The following CSGALNACT1 variants were observed in gnomAD, a reference collection of about 807,000 sequenced individuals.
CSGALNACT1 encodes chondroitin sulfate N-acetylgalactosaminyltransferase 1.
In CSGALNACT1, 52 loss-of-function variants were observed where a neutral mutation model predicts 51.0. The ratio of observed to expected loss-of-function variants is 1.02; its 90% CI spans 0.82 to 1.29. The LOEUF (loss-of-function observed/expected upper bound fraction) is 1.29. Among genes scored for constraint, CSGALNACT1 ranks in the 50% most tolerant of loss-of-function variants. The pLI is 0.00. For synonymous variants in CSGALNACT1, 341 were observed against 254.4 expected (o/e 1.34, Z -3.24); for missense variants, 935 against 679.2 (o/e 1.38, Z -4.19).
rs149068749 is a variant in CSGALNACT1 at position 19,407,352 on chromosome 8, C to T, written c.1309+1261G>A. On this transcript the variant is annotated intron_variant, in intron 9 of 9. Coordinates refer to ENST00000454498, the Ensembl canonical transcript of CSGALNACT1. ...TGAGGGGGAGGTGCCTAGAAGCCAGCGAGACCAGCAGCTCGTGGGGAGCCT... is the reference window on the plus strand; with the variant it reads ...TGAGGGGGAGGTGCCTAGAAGCCAGTGAGACCAGCAGCTCGTGGGGAGCCT... Among the ~76,000 whole-genome samples, 139 of 152,252 alleles carry T rather than the reference C, an allele frequency of 9.1e-4. 1 individual carries two copies. Among genetic ancestry groups the T allele is most frequent in the African/African-American group, 3.2e-3 (131 of 41,556 alleles).
At chr8:19,508,032 A>G (rs6586839) in intron 3 of CSGALNACT1, among the ~76,000 whole-genome samples, 1 of 152,046 alleles carries the variant, frequency 6.6e-6, no homozygotes, top group Admixed American at 6.5e-5. Flanking sequence ...GATCCTCATG[A>G]TAACTAAATT....
intron 3 of CSGALNACT1, among the ~76,000 whole-genome samples, chr8:19,560,100 G>A (rs2040369910): frequency 6.6e-6 from 1 of 152,174 alleles, no homozygotes; most frequent in African/African-American, 2.4e-5. Context: ...TTGGTATGTT[G>A]CATAGGTAGT....
At chr8:19,751,996 C>T (rs1172976028) in intron 1 of CSGALNACT1, among the ~76,000 whole-genome samples, 1 of 149,782 alleles carries the variant, frequency 6.7e-6, no homozygotes, top group East Asian at 1.9e-4. Flanking sequence ...ATTTATATTA[C>T]ATAACATTTT....
intron 1 of CSGALNACT1, among the ~76,000 whole-genome samples, chr8:19,637,639 G>A (rs979459494): frequency 6.6e-6 from 1 of 152,214 alleles, no homozygotes; most frequent in Admixed American, 6.5e-5. Flanking sequence ...AGCACATCTA[G>A]TAAGGAGTTT....
intron 4 of CSGALNACT1, among the ~76,000 whole-genome samples, chr8:19,468,572 A>G (rs6994666): frequency 0.13 from 19,677 of 152,090 alleles, 1,337 homozygotes; most frequent in Middle Eastern, 0.16. Flanking sequence ...AGCAACAAGG[A>G]AAGAACCACG....
At chr8:19,536,689 G>C (rs1047371845) in intron 3 of CSGALNACT1, among the ~76,000 whole-genome samples, 3 of 152,154 alleles carry the variant, frequency 2.0e-5, no homozygotes, top group Admixed American at 6.5e-5. Flanking sequence ...GAAAGCAAAA[G>C]AGCTAGAACA....
Position 19,754,207 on chromosome 8 carries a change from T to C in CSGALNACT1, c.-297+3643A>G, listed in dbSNP as rs191012818. ...CATGCCCAGCTAATTTTTGTATTTT[T>C]AGTAGAGGTGGGGTTTCGCCCTGTT... On this transcript the variant is annotated intron_variant, in intron 1 of 1. Coordinates refer to the CSGALNACT1 transcript ENST00000517494. Among the ~76,000 whole-genome samples the C allele has an allele frequency of 5.7e-4, 87 of 152,258 alleles. 1 individual carries two copies. The highest frequency in any genetic ancestry group is 3.2e-3 in the Admixed American group (49 of 15,296).
At chr8:19,573,399 G>A (rs1379722457) in intron 3 of CSGALNACT1, among the ~76,000 whole-genome samples, 2 of 151,976 alleles carry the variant, frequency 1.3e-5, no homozygotes, top group African/African-American at 2.4e-5. Flanking sequence ...GGACCTTTCT[G>A]TTCACTCTTA....
intron 1 of CSGALNACT1, among the ~76,000 whole-genome samples, chr8:19,679,305 A>G (rs1216559819): frequency 6.6e-6 from 1 of 151,734 alleles, no homozygotes; most frequent in Admixed American, 6.6e-5. Context: ...AAATACAAAA[A>G]TTAGTGGGGT....
At chr8:19,455,007 A>T (rs1350029797) in intron 5 of CSGALNACT1, among the ~76,000 whole-genome samples, 1 of 152,200 alleles carries the variant, frequency 6.6e-6, no homozygotes, top group Non-Finnish European at 1.5e-5. Context: ...CTCATGTTGC[A>T]CTGACTTATT....
intron 1 of CSGALNACT1, among the ~76,000 whole-genome samples, chr8:19,716,565 G>T (rs2062817740): frequency 7.9e-6 from 1 of 127,296 alleles, no homozygotes; most frequent in Non-Finnish European, 1.6e-5. Context: ...ATCACTTGAT[G>T]CCAGGAGTTC....
intron 1 of CSGALNACT1, among the ~76,000 whole-genome samples, chr8:19,699,876 C>A (rs1198229741): frequency 2.0e-5 from 3 of 151,954 alleles, no homozygotes; most frequent in Non-Finnish European, 2.9e-5. Flanking sequence ...TCTGGGAGGC[C>A]GAAGAGGGGA....
intron 8 of CSGALNACT1, among the ~76,000 whole-genome samples, 190 bp downstream of exon 7, chr8:19,418,466 C>T (rs891476804): frequency 6.6e-6 from 1 of 152,218 alleles, no homozygotes; most frequent in Non-Finnish European, 1.5e-5. Flanking sequence ...TTATTTTCCA[C>T]TTTAAATATT....
intron 4 of CSGALNACT1, among the ~76,000 whole-genome samples, chr8:19,476,118 T>G (rs768345855): frequency 6.6e-6 from 1 of 152,180 alleles, no homozygotes; most frequent in Non-Finnish European, 1.5e-5. Flanking sequence ...ATAAAAACAA[T>G]TGAATAAGAT....
chr8:19,576,805 G>C (rs2044327787), intron 3 of CSGALNACT1, among the ~76,000 whole-genome samples: 1 of 152,060 alleles, frequency 6.6e-6, no homozygotes, highest in African/African-American at 2.4e-5. Flanking sequence ...GGTCCTACTA[G>C]TGTATCTCTC....
intron 3 of CSGALNACT1, among the ~76,000 whole-genome samples, chr8:19,575,200 G>A (rs1193614909): frequency 1.3e-5 from 2 of 152,122 alleles, no homozygotes; most frequent in East Asian, 3.9e-4. Context: ...TATAACCAGG[G>A]TATCTGAAGA....
chr8:19,419,974 A>G (rs1019286667), intron 7 of CSGALNACT1, among the ~76,000 whole-genome samples: 5 of 152,186 alleles, frequency 3.3e-5, no homozygotes, highest in African/African-American at 9.6e-5. Context: ...ATGATAGTAA[A>G]TAAGTCTCAA....
At chr8:19,628,358 G>C (rs2054723719) in intron 1 of CSGALNACT1, among the ~76,000 whole-genome samples, 1 of 152,196 alleles carries the variant, frequency 6.6e-6, no homozygotes, top group South Asian at 2.1e-4. Context: ...AAGACCATCA[G>C]CTCTCATGAG....
At chr8:19,552,603 G>T (rs1398584243) in intron 3 of CSGALNACT1, among the ~76,000 whole-genome samples, 4 of 152,136 alleles carry the variant, frequency 2.6e-5, no homozygotes, top group Non-Finnish European at 5.9e-5. Flanking sequence ...ACTTTTCAGG[G>T]AAATTAAAGA....
Sources: allele counts gnomAD v4.1 joint callset (sites outside exome capture counted in the v4.1 genomes callset), GRCh38; gene constraint gnomAD v4.1.1; transcripts MANE v1.5; gene names NCBI Gene and HGNC (gene_info 2026-07-23, HGNC 2026-07-21).